The following RBBP4 variants were observed in gnomAD, a reference collection of about 807,000 sequenced individuals.
RBBP4 encodes RB binding protein 4, chromatin remodeling factor.
Under a neutral mutation model 57.2 loss-of-function variants are expected in RBBP4, and 3 were observed. That is an observed-to-expected ratio of 0.05 (90% CI 0.02 to 0.14). The LOEUF is 0.14. Ranked by LOEUF, RBBP4 falls within the 10% of genes least tolerant of loss-of-function variation. RBBP4 has a pLI of 1.00. For synonymous variants in RBBP4, 151 were observed against 171.5 expected (o/e 0.88, Z 0.93); for missense variants, 107 against 520.6 (o/e 0.21, Z 7.73).
At chr1:32,653,637 G>GTTTTTGTTTTTTT (rs1647992545) in intron 2 of RBBP4, among the ~76,000 whole-genome samples, 1 of 20,776 alleles carries the variant, frequency 4.8e-5, no homozygotes, top group Non-Finnish European at 1.7e-4. Flanking sequence ...TTGTTTTCTG[G>GTTTTTGTTTTTTT]TTTTTTTTTT....
chr1:32,674,556 C>T (rs548117797), intron 11 of RBBP4, among the ~76,000 whole-genome samples: 26 of 148,452 alleles, frequency 1.8e-4, no homozygotes, highest in East Asian at 6.2e-4. Flanking sequence ...TAAAGAAGTG[C>T]GTAACTTGGT....
intron 3 of RBBP4, among the ~76,000 whole-genome samples, chr1:32,667,776 C>T (rs946780605): frequency 2.0e-5 from 3 of 152,204 alleles, no homozygotes; most frequent in South Asian, 4.1e-4. Context: ...GCTGAAGTCT[C>T]TGATACAGCA....
At position 32,679,895 on chromosome 1, in the gene RBBP4, A is replaced by G. The variant is rs1302647551; in HGVS notation, c.*190A>G. Reference sequence around the variant, plus strand: ...TAGGGGGGCTTGATTCAACAAAGCCACAGACTTAACGTTGAAATTTTCTTC... The same window carrying G: ...TAGGGGGGCTTGATTCAACAAAGCCGCAGACTTAACGTTGAAATTTTCTTC... On this transcript the variant is annotated 3_prime_UTR_variant, in exon 12 of 12. Coordinates refer to ENST00000373493, the MANE Select transcript of RBBP4 (RefSeq NM_005610.3). 2.3e-6 allele frequency: 3 copies of G among 1,306,194 alleles called. No homozygotes were observed. The highest frequency in any genetic ancestry group is 3.1e-5 in the African/African-American group (2 of 65,214). 80.9% of individuals were successfully genotyped at this position (1,306,194 alleles called of 1,614,324 possible). A position where few individuals can be genotyped will look rare whatever the true frequency, so the allele number is the denominator to read the frequency against.
Position 32,657,592 on chromosome 1 carries a change from AAG to A in RBBP4, c.310+22_310+23del. ...AAGGAGGTAGGAATCTTAAAGGTGA[AAG>A]AAGTAAAGATGTGTGGGTCATATCT... is the stretch of plus-strand genomic sequence containing the variant. On this transcript the variant is annotated intron_variant, in intron 3 of 11. Transcript: ENST00000373493. 6.2e-7 allele frequency: 1 copy of A among 1,611,284 alleles called. No individual in the cohort carries two copies. The highest frequency in any genetic ancestry group is 8.5e-7 in the Non-Finnish European group (1 of 1,178,260).
At chr1:32,672,984 G>GCTA (rs1648939100) in intron 11 of RBBP4, 83 bp downstream of exon 11, 1 of 1,137,292 alleles carries the variant, frequency 8.8e-7, no homozygotes, top group Non-Finnish European at 1.3e-6. Context: ...TATGATTACA[G>GCTA]CTACCATCTC....
chr1:32,672,826 T>C lies in RBBP4; in HGVS notation c.1137T>C (p.Asp379=). ...IHGGHTAKIS[D]FSWNPNEPWV... is the part of the protein sequence containing the mutation. ...GTGGTCATACTGCCAAGATATCTGA[T>C]TTCTCCTGGAATCCCAATGAACCTT... is the stretch of plus-strand genomic sequence containing the variant. Residue 379 remains aspartate, a synonymous_variant, in exon 11 of 12, where the codon GAT becomes GAC. Transcript: ENST00000373493. 5.0e-6 allele frequency: 8 copies of C among 1,613,890 alleles called. No individual in the cohort carries two copies. Among genetic ancestry groups the C allele is most frequent in the Non-Finnish European group, 6.8e-6 (8 of 1,179,774 alleles).
In RBBP4 at chr1:32,684,040, G is replaced by A; in HGVS notation, c.*4335G>A. 1.9e-6 allele frequency: 3 copies of A among 1,614,180 alleles called. No individual in the cohort carries two copies. Among genetic ancestry groups the A allele is most frequent in the Non-Finnish European group, 2.5e-6 (3 of 1,180,026 alleles). On this transcript the variant is annotated 3_prime_UTR_variant, in exon 12 of 12. Coordinates refer to ENST00000373493, the MANE Select transcript of RBBP4 (RefSeq NM_005610.3). ...GACTGTGTCTCCATTCCACCTGCCT[G>A]AGAAGTGGGAGCATCAGCCTGTTCC...
At chr1:32,674,036 G>C (rs1433614680) in intron 11 of RBBP4, among the ~76,000 whole-genome samples, 1 of 152,146 alleles carries the variant, frequency 6.6e-6, no homozygotes, top group African/African-American at 2.4e-5. Flanking sequence ...GGGAGGCGGA[G>C]CTTGCATTGA....
intron 3 of RBBP4, among the ~76,000 whole-genome samples, chr1:32,658,821 A>G (rs1027592863): frequency 6.6e-6 from 1 of 151,770 alleles, no homozygotes; most frequent in African/African-American, 2.4e-5. Flanking sequence ...ACTGAGGCAC[A>G]AATACTCTGA....
At chr1:32,657,104 C>T (rs1040987208) in intron 2 of RBBP4, among the ~76,000 whole-genome samples, 11 of 151,970 alleles carry the variant, frequency 7.2e-5, no homozygotes, top group Admixed American at 3.9e-4. Flanking sequence ...GGTGAAATCC[C>T]GTCTCTACTA....
In RBBP4 at chr1:32,669,429, A is replaced by G. The variant is rs552022848; in HGVS notation, c.889-57A>G. 24 of 1,567,400 alleles carry G rather than the reference A, an allele frequency of 1.5e-5. No individual in the cohort carries two copies. The East Asian group carries it at 5.4e-4, about 35-fold the overall frequency. On this transcript the variant is annotated intron_variant, in intron 7 of 11. Coordinates refer to ENST00000373493, the MANE Select transcript of RBBP4 (RefSeq NM_005610.3). The surrounding 1 kb of genome is among the most constrained non-coding windows in gnomAD (Gnocchi z 4.9). ...TTTGAATTGCAGAGATATTTTACTT[A>G]CAGTATTTTTTTTTTCTTAAAAAAT...
intron 11 of RBBP4, chr1:32,673,353 A>G (rs1441634966): frequency 1.1e-5 from 4 of 353,608 alleles, no homozygotes; most frequent in African/African-American, 8.8e-5. Context: ...AGCATCAAAT[A>G]CTACTATTTC....
chr1:32,651,601 G>A, intron 1 of RBBP4: 1 of 911,290 alleles, frequency 1.1e-6, no homozygotes, highest in Non-Finnish European at 1.6e-6. Flanking sequence ...CCCGAGCGTG[G>A]GGACACCGCT....
intron 2 of RBBP4, 28 bp downstream of exon 2, chr1:32,652,089 T>A (rs1281807014): frequency 6.3e-7 from 1 of 1,595,636 alleles, no homozygotes; most frequent in Non-Finnish European, 8.6e-7. Context: ...AACGTTATTT[T>A]GATGTATTTT....
rs1415594519 is a variant in RBBP4, at chr1:32,681,817, C to T, written c.*2112C>T. The T allele has an allele frequency of 6.2e-7, 1 of 1,614,122 alleles. No homozygotes were observed. The highest frequency in any genetic ancestry group is 1.1e-5 in the South Asian group (1 of 91,086). On this transcript the variant is annotated 3_prime_UTR_variant, in exon 12 of 12. Coordinates refer to ENST00000373493, the MANE Select transcript of RBBP4 (RefSeq NM_005610.3). The stretch of plus-strand genomic sequence containing the variant: ...TGATCCTTTGCTAAGAAGTTTTTTG[C>T]TGTTTCCGGGTTACAGATTTGGCCA...
At chr1:32,664,185 A>T (rs1295556282) in intron 3 of RBBP4, among the ~76,000 whole-genome samples, 1 of 152,116 alleles carries the variant, frequency 6.6e-6, no homozygotes, top group Admixed American at 6.6e-5. Flanking sequence ...ACAGTGAGGG[A>T]TGTGTGCAAC....
chr1:32,665,831 G>A (rs1648620790), intron 3 of RBBP4, among the ~76,000 whole-genome samples: 1 of 152,146 alleles, frequency 6.6e-6, no homozygotes, highest in African/African-American at 2.4e-5. Context: ...AACTAAGTAA[G>A]TGACAGAGCC....
rs1649546005 is a variant in RBBP4, at chr1:32,682,958, A to T, written c.*3253A>T. On this transcript the variant is annotated 3_prime_UTR_variant, in exon 12 of 12. Coordinates refer to ENST00000373493, the MANE Select transcript of RBBP4 (RefSeq NM_005610.3). Reference sequence around the variant, plus strand: ...ATCCTGAGTAGGTGATTGGTCAGAAAGATGCCTTCAGTTTTGTCAGTGTCT... The same window carrying T: ...ATCCTGAGTAGGTGATTGGTCAGAATGATGCCTTCAGTTTTGTCAGTGTCT... The T allele has an allele frequency of 6.6e-6, 1 of 152,080 alleles. No homozygotes were observed. The highest frequency in any genetic ancestry group is 2.4e-5 in the African/African-American group (1 of 41,406). 9.4% of individuals were successfully genotyped at this position (152,080 alleles called of 1,614,324 possible). A position where few individuals can be genotyped will look rare whatever the true frequency, so the allele number is the denominator to read the frequency against.
rs1649649779 is a variant in RBBP4 at position 32,684,188 on chromosome 1, T to A, written c.*4483T>A. ...TTTTGTTTTTGATTCTAAGGTAAAA[T>A]TTTCCCTAAGCCCTCCCACCATCCC... On this transcript the variant is annotated 3_prime_UTR_variant, in exon 12 of 12. Transcript: ENST00000373493. 8 of 1,605,772 alleles carry A rather than the reference T, an allele frequency of 5.0e-6. No individual in the cohort carries two copies. The highest frequency in any genetic ancestry group is 6.0e-6 in the Non-Finnish European group (7 of 1,174,732).
Sources: gnomAD v4.1 joint callset for allele counts (sites outside exome capture counted in the v4.1 genomes callset) on GRCh38, gnomAD v4.1.1 for gene constraint, Gnocchi (gnomAD v3.1) non-coding constraint, MANE v1.5 for transcripts, NCBI Gene and HGNC (gene_info 2026-07-23, HGNC 2026-07-21) for gene names.